The following HOOK3 variants were observed in gnomAD, a reference collection of about 807,000 sequenced individuals.
The protein encoded by HOOK3 is protein Hook homolog 3.
A neutral mutation model predicts 116.3 loss-of-function variants in HOOK3; 24 were observed. The observed-to-expected ratio is 0.21, with a 90% CI of 0.15 to 0.29. HOOK3 has a LOEUF of 0.29. Among genes scored for constraint, HOOK3 ranks in the 10% least tolerant of loss-of-function variants. The pLI is 1.00. For missense variants in HOOK3, 632 were observed against 830.2 expected, an observed-to-expected ratio of 0.76 and a Z score of 2.93; for synonymous variants, 275 against 283.0, an observed-to-expected ratio of 0.97 and a Z score of 0.28.
intron 3 of HOOK3, among the ~76,000 whole-genome samples, chr8:42,927,250 T>G (rs1357207672): frequency 6.6e-6 from 1 of 151,506 alleles, no homozygotes; most frequent in Admixed American, 6.6e-5. Context: ...CACTGGTTTT[T>G]TTTTTTTTTT....
At chr8:42,911,429 C>T (rs1038295701) in intron 2 of HOOK3, among the ~76,000 whole-genome samples, 2 of 151,870 alleles carry the variant, frequency 1.3e-5, no homozygotes, top group Admixed American at 6.6e-5. Context: ...CCAGCCTGGG[C>T]GACAGAGTGA....
chr8:42,967,938 A>G (rs1414758997), intron 10 of HOOK3, 75 bp from the exon 11 acceptor site: 5 of 819,224 alleles, frequency 6.1e-6, no homozygotes, highest in Admixed American at 2.2e-5. Context: ...TTTCCTGGCA[A>G]TCCTTCTTAA....
intron 15 of HOOK3, among the ~76,000 whole-genome samples, chr8:42,988,671 A>G (rs1410938403): frequency 6.6e-6 from 1 of 151,754 alleles, no homozygotes; most frequent in Non-Finnish European, 1.5e-5. Context: ...TGTTTGTCTC[A>G]GGCATTGTGC....
At chr8:42,954,437 T>C (rs1488875263) in intron 6 of HOOK3, among the ~76,000 whole-genome samples, 5 of 152,156 alleles carry the variant, frequency 3.3e-5, no homozygotes, top group Non-Finnish European at 7.4e-5. Flanking sequence ...AACAGAAATA[T>C]GAAAACAATG....
At chr8:42,966,736 T>TA in intron 10 of HOOK3, 123 bp downstream of exon 10, 1 of 942,628 alleles carries the variant, frequency 1.1e-6, no homozygotes, top group Non-Finnish European at 1.6e-6. Context: ...GTCTACTGCT[T>TA]ATGCAACCTC....
In HOOK3 at chr8:43,026,214, A is replaced by AT. The variant is rs1426862037; in HGVS notation, c.*7718dup. 1.5e-5 allele frequency: 3 copies of AT among 202,678 alleles called. No homozygotes were observed. The Admixed American group carries it at 1.8e-4, about 12-fold the overall frequency. The allele number at this position is 202,678 out of a possible 1,614,324, so 12.6% of individuals were successfully genotyped here. Reference sequence around the variant, plus strand: ...TGTATTTGTCAACCCATGGGTAGTGATTACTCCGTGTACATTCTATAGTGT... The same window carrying AT: ...TGTATTTGTCAACCCATGGGTAGTGATTTACTCCGTGTACATTCTATAGTGT... On this transcript the variant is annotated 3_prime_UTR_variant, in exon 22 of 22. Coordinates refer to ENST00000307602, the MANE Select transcript of HOOK3 (RefSeq NM_032410.4).
intron 9 of HOOK3, among the ~76,000 whole-genome samples, chr8:42,965,266 A>G (rs1169511114): frequency 2.0e-5 from 3 of 152,232 alleles, no homozygotes; most frequent in African/African-American, 4.8e-5. Flanking sequence ...GATGACATGA[A>G]AAGTTACAGG....
At chr8:42,964,742 G>A (rs766524901) in intron 9 of HOOK3, among the ~76,000 whole-genome samples, 1 of 151,912 alleles carries the variant, frequency 6.6e-6, no homozygotes, top group East Asian at 1.9e-4. Context: ...AATGAGAATC[G>A]CGTGAACTGG....
chr8:42,928,427 G>A (rs981654319), intron 3 of HOOK3, among the ~76,000 whole-genome samples: 1 of 151,632 alleles, frequency 6.6e-6, no homozygotes, highest in African/African-American at 2.4e-5. Flanking sequence ...CTCCAGCCTG[G>A]GCGACAGAGC....
intron 15 of HOOK3, among the ~76,000 whole-genome samples, chr8:42,994,731 A>G (rs1468860451): frequency 2.0e-5 from 3 of 152,090 alleles, no homozygotes; most frequent in Non-Finnish European, 4.4e-5. Flanking sequence ...ATTTTCTTAT[A>G]TTTATGTTGC....
At chr8:43,003,183 T>C (rs1809411808) in intron 17 of HOOK3, among the ~76,000 whole-genome samples, 2 of 152,164 alleles carry the variant, frequency 1.3e-5, no homozygotes, top group South Asian at 4.1e-4. Flanking sequence ...CCAGACATCC[T>C]CAGTACCACA....
At chr8:42,963,991 A>C (rs1563302432) in intron 8 of HOOK3, among the ~76,000 whole-genome samples, 2 of 152,034 alleles carry the variant, frequency 1.3e-5, no homozygotes, top group African/African-American at 4.8e-5. Context: ...GCGGATCATG[A>C]GGTCAAGAGA....
chr8:42,896,988 C>T lies in HOOK3; in HGVS notation c.-144C>T, dbSNP rs558074862. 7.0e-5 allele frequency: 35 copies of T among 501,894 alleles called. No homozygotes were observed. Among genetic ancestry groups the T allele is most frequent in the African/African-American group, 6.2e-4 (31 of 50,282 alleles). The allele number at this position is 501,894 out of a possible 1,614,324, so 31.1% of individuals were successfully genotyped here. ...TGGGGGTGACGGTGCGGAGCCGCTG[C>T]CAGCGCTGGGCGAGAGTCGGCGGCC... On this transcript the variant is annotated 5_prime_UTR_variant, in exon 1 of 22. Transcript: ENST00000307602.
intron 5 of HOOK3, among the ~76,000 whole-genome samples, chr8:42,944,712 G>T (rs531679202): frequency 1.3e-5 from 2 of 149,440 alleles, no homozygotes; most frequent in South Asian, 4.3e-4. Flanking sequence ...CCAGCTGCTT[G>T]CGAGGCTGAG....
chr8:42,947,010 C>G (rs995883016), intron 5 of HOOK3, among the ~76,000 whole-genome samples: 28 of 152,096 alleles, frequency 1.8e-4, no homozygotes, highest in Admixed American at 1.4e-3. Flanking sequence ...ACCTCATGAT[C>G]CGCCTGCCTC....
chr8:42,987,412 C>T (rs910472592), intron 15 of HOOK3, among the ~76,000 whole-genome samples: 6 of 152,174 alleles, frequency 3.9e-5, no homozygotes, highest in Middle Eastern at 3.4e-3. Context: ...TTTAAAAATC[C>T]GATAATTCAG....
chr8:42,921,281 T>G (rs1022105267), intron 2 of HOOK3, among the ~76,000 whole-genome samples: 3 of 152,144 alleles, frequency 2.0e-5, no homozygotes, highest in African/African-American at 7.2e-5. Flanking sequence ...TTTCTTTGGC[T>G]TTGGATAGTC....
intron 17 of HOOK3, among the ~76,000 whole-genome samples, chr8:43,003,194 A>G (rs767519757): frequency 9.9e-5 from 15 of 152,210 alleles, no homozygotes; most frequent in Non-Finnish European, 1.8e-4. Context: ...CAGTACCACA[A>G]AGATAATTTG....
intron 17 of HOOK3, among the ~76,000 whole-genome samples, chr8:43,002,385 T>G (rs1438296161): frequency 6.6e-6 from 1 of 152,202 alleles, no homozygotes; most frequent in Non-Finnish European, 1.5e-5. Context: ...ATAATCATAG[T>G]TAGGAGTTTG....
Sources: gnomAD v4.1 joint callset for allele counts (sites outside exome capture counted in the v4.1 genomes callset) on GRCh38, gnomAD v4.1.1 for gene constraint, MANE v1.5 for transcripts, NCBI Gene and HGNC (gene_info 2026-07-23, HGNC 2026-07-21) for gene names.